The following FAM110B variants were observed in gnomAD, a reference collection of about 807,000 sequenced individuals.
FAM110B encodes family with sequence similarity 110 member B.
In FAM110B, 6 loss-of-function variants were observed where a neutral mutation model predicts 20.4. The ratio of observed to expected loss-of-function variants is 0.29; its 90% confidence interval spans 0.16 to 0.58. The LOEUF (loss-of-function observed/expected upper bound fraction) is 0.58, where lower values mean the gene tolerates loss of function less well. Ranked by LOEUF, FAM110B falls within the 20% of genes least tolerant of loss-of-function variation. FAM110B has a pLI of 0.90. For missense variants in FAM110B, 434 were observed against 498.2 expected, an observed-to-expected ratio of 0.87 and a Z score of 1.23; for synonymous variants, 226 against 214.1, an observed-to-expected ratio of 1.06 and a Z score of -0.49.
intron 3 of FAM110B, among the ~76,000 whole-genome samples, chr8:58,102,210 C>G (rs903296950): frequency 6.6e-6 from 1 of 152,182 alleles, no homozygotes; most frequent in Non-Finnish European, 1.5e-5. Context: ...CAAAGTGAGT[C>G]ATCCTGCCTC....
chr8:58,071,061 AG>A (rs1469438594), intron 2 of FAM110B, among the ~76,000 whole-genome samples: 1 of 152,190 alleles, frequency 6.6e-6, no homozygotes, highest in Non-Finnish European at 1.5e-5. Context: ...ACGAAGTCGC[AG>A]GAAGGTGGGG....
intron 2 of FAM110B, among the ~76,000 whole-genome samples, chr8:58,043,800 G>T (rs1805266140): frequency 6.6e-6 from 1 of 152,124 alleles, no homozygotes; most frequent in South Asian, 2.1e-4. Flanking sequence ...TCTGAGGTAG[G>T]TTCTGTTATT....
intron 2 of FAM110B, among the ~76,000 whole-genome samples, chr8:58,048,160 T>G (rs993861368): frequency 1.3e-5 from 2 of 152,152 alleles, no homozygotes; most frequent in African/African-American, 4.8e-5. Flanking sequence ...TCTGTAGTGG[T>G]TTTTCTCTAA....
At chr8:58,042,040 A>G (rs1802666737) in intron 2 of FAM110B, among the ~76,000 whole-genome samples, 1 of 152,240 alleles carries the variant, frequency 6.6e-6, no homozygotes, top group African/African-American at 2.4e-5. Flanking sequence ...TTACCATATA[A>G]AGGCTGAATA....
intron 3 of FAM110B, among the ~76,000 whole-genome samples, chr8:58,082,837 G>GTT (rs1270825336): frequency 1.3e-4 from 16 of 123,090 alleles, no homozygotes; most frequent in African/African-American, 7.0e-4. Context: ...CTCCATTTTT[G>GTT]TTTTTTTTTG....
At chr8:58,094,761 C>T (rs1376535290) in intron 3 of FAM110B, among the ~76,000 whole-genome samples, 1 of 152,182 alleles carries the variant, frequency 6.6e-6, no homozygotes, top group Non-Finnish European at 1.5e-5. Flanking sequence ...ATGCTGTCCT[C>T]ATAAAATGAG....
chr8:58,020,534 T>C (rs1415020104), intron 1 of FAM110B, among the ~76,000 whole-genome samples: 2 of 152,200 alleles, frequency 1.3e-5, no homozygotes, highest in Non-Finnish European at 2.9e-5. Flanking sequence ...TTTAATTAGG[T>C]TGAGTTCACC....
At chr8:58,096,446 G>A (rs1172698929) in intron 3 of FAM110B, among the ~76,000 whole-genome samples, 1 of 152,166 alleles carries the variant, frequency 6.6e-6, no homozygotes. Flanking sequence ...AAAGTGTTGG[G>A]ATTATAGGTG....
At chr8:58,039,254 A>G (rs1805152469) in intron 2 of FAM110B, among the ~76,000 whole-genome samples, 1 of 152,150 alleles carries the variant, frequency 6.6e-6, no homozygotes, top group Non-Finnish European at 1.5e-5. Context: ...CTGAAAATGC[A>G]GGGAGCTCTC....
intron 2 of FAM110B, among the ~76,000 whole-genome samples, chr8:58,069,473 C>T (rs947536943): frequency 6.6e-6 from 1 of 152,112 alleles, no homozygotes; most frequent in Non-Finnish European, 1.5e-5. Flanking sequence ...TGTTTTTCAC[C>T]CACGTATGTA....
intron 3 of FAM110B, among the ~76,000 whole-genome samples, chr8:58,112,544 C>T (rs1274095724): frequency 1.3e-5 from 2 of 152,166 alleles, no homozygotes; most frequent in Admixed American, 6.5e-5. Flanking sequence ...TGAACTTCAC[C>T]TGGGTGATGA....
intron 2 of FAM110B, among the ~76,000 whole-genome samples, chr8:58,033,225 C>T (rs115782962): frequency 0.028 from 4,284 of 152,174 alleles, 201 homozygotes; most frequent in African/African-American, 0.096. Context: ...CTGCAAAGGA[C>T]GTGATTGCAT....
intron 3 of FAM110B, among the ~76,000 whole-genome samples, chr8:58,094,950 A>T (rs1468096704): frequency 6.6e-6 from 1 of 152,008 alleles, no homozygotes; most frequent in African/African-American, 2.4e-5. Flanking sequence ...CTATTCAGGG[A>T]TTCGATTTCT....
chr8:58,034,717 G>A (rs962190204), intron 2 of FAM110B, among the ~76,000 whole-genome samples: 1 of 152,220 alleles, frequency 6.6e-6, no homozygotes, highest in Non-Finnish European at 1.5e-5. Context: ...CTTATGTACT[G>A]TGATCTTCTG....
chr8:58,103,986 A>G (rs1267462150), intron 3 of FAM110B, among the ~76,000 whole-genome samples: 2 of 152,196 alleles, frequency 1.3e-5, no homozygotes, highest in Non-Finnish European at 2.9e-5. Flanking sequence ...GGGCTTACCT[A>G]TTATGTATGT....
intron 3 of FAM110B, among the ~76,000 whole-genome samples, chr8:58,093,130 T>G (rs1413652774): frequency 6.6e-6 from 1 of 152,156 alleles, no homozygotes; most frequent in Non-Finnish European, 1.5e-5. Context: ...TTTAAGTTCC[T>G]TGTCGATTCT....
At chr8:57,996,094 G>T (rs952796449) in intron 1 of FAM110B, among the ~76,000 whole-genome samples, 4 of 152,178 alleles carry the variant, frequency 2.6e-5, no homozygotes, top group African/African-American at 9.7e-5. Context: ...GGTCATTCAG[G>T]TAAGCTATTT....
chr8:58,146,634 C>T lies in FAM110B; in HGVS notation c.404C>T (p.Ser135Leu), dbSNP rs1018390985. The T allele has an allele frequency of 1.9e-6, 3 of 1,613,672 alleles. No homozygotes were observed. Among genetic ancestry groups the T allele is most frequent in the Non-Finnish European group, 2.5e-6 (3 of 1,179,824 alleles). The change falls in exon 4 of 4, where the codon TCG becomes TTG. Residue 135 changes from serine (S) to leucine (L), a missense_variant. Ser to Leu is a moderately radical substitution (Grantham distance 145, BLOSUM62 -2). Coordinates refer to ENST00000519262, the MANE Select transcript of FAM110B (RefSeq NM_001377989.1). ...AGCTCCGAGGGCTCTAGCTCGGGCT[C>T]GGGGCACAAGCACAGCTCCCGCAAC... ...INSSEGSSSG[S>L]GHKHSSRNWP... is the part of the protein sequence containing the mutation.
intron 2 of FAM110B, among the ~76,000 whole-genome samples, chr8:58,057,529 C>A (rs1805571751): frequency 6.6e-6 from 1 of 152,180 alleles, no homozygotes; most frequent in Non-Finnish European, 1.5e-5. Context: ...TCCAAAATCT[C>A]TCAAACAGAC....
Sources: allele counts gnomAD v4.1 joint callset (sites outside exome capture counted in the v4.1 genomes callset), GRCh38; gene constraint gnomAD v4.1.1; transcripts MANE v1.5; gene names NCBI Gene and HGNC (gene_info 2026-07-23, HGNC 2026-07-21).